SLC4A10: variants seen among roughly 807,000 people sequenced by gnomAD.
SLC4A10 encodes the protein solute carrier family 4 member 10, also known as sodium-driven chloride bicarbonate exchanger.
SLC4A10 carries 42 observed loss-of-function variants against 137.7 expected under a neutral mutation model. That is an observed-to-expected ratio of 0.30 (90% CI 0.24 to 0.39). SLC4A10 has a LOEUF of 0.39. Ranked by LOEUF, SLC4A10 falls within the 10% of genes least tolerant of loss-of-function variation. The pLI is 1.00. For synonymous variants in SLC4A10, 474 were observed against 464.1 expected (o/e 1.02, Z -0.27); for missense variants, 925 against 1,355.0 (o/e 0.68, Z 4.98).
chr2:161,828,382 T>G (rs1424452867), intron 3 of SLC4A10, among the ~76,000 whole-genome samples: 1 of 152,158 alleles, frequency 6.6e-6, no homozygotes, highest in Non-Finnish European at 1.5e-5. Flanking sequence ...TACTGTTTTT[T>G]TCTTGAGCTT....
chr2:161,763,733 T>A, intron 1 of SLC4A10, among the ~76,000 whole-genome samples: 1 of 152,118 alleles, frequency 6.6e-6, no homozygotes, highest in East Asian at 1.9e-4. Flanking sequence ...TGGCTGAACT[T>A]AACCAGAAGG....
chr2:161,861,179 G>A (rs1177511649), intron 5 of SLC4A10, among the ~76,000 whole-genome samples: 1 of 152,188 alleles, frequency 6.6e-6, no homozygotes, highest in African/African-American at 2.4e-5. Flanking sequence ...GTGAAGCGCA[G>A]TTCTTGATTA....
At chr2:161,808,352 T>G (rs2056211406) in intron 3 of SLC4A10, among the ~76,000 whole-genome samples, 1 of 152,188 alleles carries the variant, frequency 6.6e-6, no homozygotes, top group South Asian at 2.1e-4. Flanking sequence ...CATTTATTCA[T>G]ATTTTAGCTC....
At chr2:161,632,605 AT>A (rs1285334621) in intron 1 of SLC4A10, among the ~76,000 whole-genome samples, 1 of 151,518 alleles carries the variant, frequency 6.6e-6, no homozygotes, top group Non-Finnish European at 1.5e-5. Flanking sequence ...AAAATTTGGT[AT>A]TTTTTTCCTA....
intron 4 of SLC4A10, among the ~76,000 whole-genome samples, chr2:161,853,292 C>G (rs189285336): frequency 1.1e-4 from 16 of 152,244 alleles, no homozygotes; most frequent in African/African-American, 2.6e-4. Context: ...TTTTGCTCAT[C>G]TGTTCATTGT....
chr2:161,677,453 A>T (rs2040390929), intron 1 of SLC4A10, among the ~76,000 whole-genome samples: 1 of 152,220 alleles, frequency 6.6e-6, no homozygotes, highest in Non-Finnish European at 1.5e-5. Context: ...TCTGCAGAAC[A>T]CCAGAAAACT....
At chr2:161,860,818 A>G (rs1426223425) in intron 5 of SLC4A10, among the ~76,000 whole-genome samples, 2 of 152,236 alleles carry the variant, frequency 1.3e-5, no homozygotes, top group Non-Finnish European at 2.9e-5. Context: ...CAAAAATGAT[A>G]GAGCACACTA....
chr2:161,752,169 A>C (rs766306024), intron 1 of SLC4A10, among the ~76,000 whole-genome samples: 1 of 152,030 alleles, frequency 6.6e-6, no homozygotes, highest in Non-Finnish European at 1.5e-5. Flanking sequence ...TCTTGTGTTA[A>C]GTGCTGACCT....
intron 4 of SLC4A10, among the ~76,000 whole-genome samples, chr2:161,853,986 G>T (rs991889020): frequency 2.6e-5 from 4 of 152,100 alleles, no homozygotes; most frequent in Non-Finnish European, 5.9e-5. Context: ...GTTGTGTGTT[G>T]AAGGTGGATC....
intron 1 of SLC4A10, among the ~76,000 whole-genome samples, chr2:161,653,016 G>T (rs752022843): frequency 6.6e-6 from 1 of 151,540 alleles, no homozygotes; most frequent in East Asian, 1.9e-4. Flanking sequence ...CCAATCCCTC[G>T]AGAGGCCTCA....
chr2:161,642,049 C>G (rs914706498), intron 1 of SLC4A10, among the ~76,000 whole-genome samples: 2 of 151,972 alleles, frequency 1.3e-5, no homozygotes, highest in Non-Finnish European at 2.9e-5. Context: ...TCTTCACTAT[C>G]TCTCCTAGCA....
At chr2:161,790,847 C>T (rs993714169) in intron 2 of SLC4A10, among the ~76,000 whole-genome samples, 1 of 152,000 alleles carries the variant, frequency 6.6e-6, no homozygotes, top group Non-Finnish European at 1.5e-5. Context: ...GACATACATG[C>T]GGCTGACATA....
Position 161,882,379 on chromosome 2 carries a change from C to T in SLC4A10, c.1129C>T (p.Pro377Ser). ...CAGATTTTTGTTCATTCTTCTGGGACCCCTGGGAAAGGGTCAACAGTACCA... is the reference window on the plus strand; with the variant it reads ...CAGATTTTTGTTCATTCTTCTGGGATCCCTGGGAAAGGGTCAACAGTACCA... ...PTRFLFILLGPLGKGQQYHEI... is the reference protein window; with the variant it reads ...PTRFLFILLGSLGKGQQYHEI... The change falls in exon 10 of 27, where the codon CCC (proline) becomes TCC (serine). Residue 377 changes from proline to serine, a missense_variant. Coordinates refer to ENST00000446997, the MANE Select transcript of SLC4A10 (RefSeq NM_001178015.2). 6.3e-7 allele frequency: 1 copy of T among 1,585,442 alleles called. No individual in the cohort carries two copies. Among genetic ancestry groups the T allele is most frequent in the South Asian group, 1.2e-5 (1 of 85,252 alleles).
chr2:161,904,983 AC>A, intron 14 of SLC4A10, 74 bp downstream of exon 14: 3 of 1,461,982 alleles, frequency 2.1e-6, no homozygotes, highest in Middle Eastern at 3.6e-4. Context: ...TCCCAACATC[AC>A]TTTTGGAGGT....
chr2:161,818,622 G>A (rs1207573499), intron 3 of SLC4A10, among the ~76,000 whole-genome samples: 1 of 152,104 alleles, frequency 6.6e-6, no homozygotes, highest in Non-Finnish European at 1.5e-5. Context: ...GTTTGTCATA[G>A]ATAGCTCTTA....
chr2:161,980,346 T>C (rs1308171729), intron 26 of SLC4A10, among the ~76,000 whole-genome samples: 3 of 152,000 alleles, frequency 2.0e-5, no homozygotes, highest in Non-Finnish European at 4.4e-5. Flanking sequence ...CTTGGAAATA[T>C]TATTCATAAA....
intron 10 of SLC4A10, among the ~76,000 whole-genome samples, chr2:161,887,659 T>A (rs6706364): frequency 0.012 from 1,863 of 152,136 alleles, 20 homozygotes; most frequent in Non-Finnish European, 0.022. Flanking sequence ...GGGGTTGTTT[T>A]TTTCTTGTAA....
chr2:161,664,468 G>A (rs2038812155), intron 1 of SLC4A10, among the ~76,000 whole-genome samples: 1 of 151,852 alleles, frequency 6.6e-6, no homozygotes. Context: ...ACATGCAGGA[G>A]CTATTATGCA....
intron 1 of SLC4A10, among the ~76,000 whole-genome samples, chr2:161,653,509 T>C (rs1319634126): frequency 1.3e-5 from 2 of 152,252 alleles, no homozygotes; most frequent in Non-Finnish European, 2.9e-5. Flanking sequence ...CCAGCATCTG[T>C]TGTTTCCTGA....
Sources: gnomAD v4.1 joint callset for allele counts (sites outside exome capture counted in the v4.1 genomes callset) on GRCh38, gnomAD v4.1.1 for gene constraint, MANE v1.5 for transcripts, NCBI Gene and HGNC (gene_info 2026-07-23, HGNC 2026-07-21) for gene names.